Variants in RALB observed in about 807,000 individuals in gnomAD.
The protein encoded by RALB is ras-related protein Ral-B.
Under a neutral mutation model 21.3 loss-of-function variants are expected in RALB, and 16 were observed. The ratio of observed to expected loss-of-function variants is 0.75; its 90% confidence interval spans 0.51 to 1.14. The LOEUF (loss-of-function observed/expected upper bound fraction) is 1.14. Ranked by LOEUF, RALB falls within the 50% of genes most tolerant of loss-of-function variation. The pLI is 0.00. For missense variants in RALB, 161 were observed against 256.2 expected, an observed-to-expected ratio of 0.63 and a Z score of 2.54; for synonymous variants, 93 against 96.1, an observed-to-expected ratio of 0.97 and a Z score of 0.19.
chr2:120,282,656 G>A lies in RALB; in HGVS notation c.115-3218G>A, dbSNP rs1690020348. On this transcript the variant is annotated intron_variant, in intron 2 of 4. Transcript: ENST00000272519. ...TTTCTGTTCTCTTCACAGAGACCAG[G>A]GAAAGCTGTGCCTGGCCTTAGTCTG... 4.6e-5 allele frequency among the ~76,000 whole-genome samples: 7 copies of A among 152,082 alleles called. No homozygotes were observed. The South Asian group carries it at 1.4e-3, about 32-fold the overall frequency.
intron 1 of RALB, among the ~76,000 whole-genome samples, chr2:120,241,508 C>T (rs1413658966): frequency 6.6e-6 from 1 of 152,138 alleles, no homozygotes; most frequent in Non-Finnish European, 1.5e-5. Context: ...GGCGGATCAC[C>T]TGAGGTCAGG....
chr2:120,254,213 C>A (rs139365676), intron 1 of RALB, among the ~76,000 whole-genome samples: 26 of 152,222 alleles, frequency 1.7e-4, no homozygotes, highest in Non-Finnish European at 2.8e-4. Flanking sequence ...CCTCTGAGCT[C>A]CAGAGTCAGC....
chr2:120,253,384 T>C, intron 1 of RALB: 1 of 985,530 alleles, frequency 1.0e-6, no homozygotes, highest in Non-Finnish European at 1.2e-6. Flanking sequence ...AAAACTTAAC[T>C]GCCCTCGGAA....
chr2:120,268,980 T>G (rs117870238), intron 1 of RALB, among the ~76,000 whole-genome samples: 1 of 152,212 alleles, frequency 6.6e-6, no homozygotes, highest in Non-Finnish European at 1.5e-5. Flanking sequence ...TTTCTGCACG[T>G]TTCTGATAGA....
intron 2 of RALB, among the ~76,000 whole-genome samples, chr2:120,283,898 A>T (rs537729808): frequency 6.6e-6 from 1 of 152,278 alleles, no homozygotes; most frequent in South Asian, 2.1e-4. Flanking sequence ...GTTGTAATGG[A>T]ATGTTGGGGT....
chr2:120,249,982 TC>T (rs1425124009), upstream of RALB, among the ~76,000 whole-genome samples: 2 of 152,204 alleles, frequency 1.3e-5, no homozygotes, highest in Admixed American at 6.5e-5. Flanking sequence ...CTCCTGTCCT[TC>T]CTCCTACCCC....
intron 1 of RALB, among the ~76,000 whole-genome samples, chr2:120,261,687 A>C (rs1039493152): frequency 5.9e-5 from 9 of 152,222 alleles, no homozygotes; most frequent in South Asian, 2.1e-4. Context: ...AGGGGAAGGG[A>C]GCAGGGAGAT....
At chr2:120,284,829 G>T (rs1434449572) in intron 2 of RALB, among the ~76,000 whole-genome samples, 1 of 152,086 alleles carries the variant, frequency 6.6e-6, no homozygotes, top group East Asian at 1.9e-4. Context: ...ACTGCTTTCT[G>T]CTTCTATGGA....
chr2:120,288,702 G>A (rs1047005879), intron 3 of RALB, among the ~76,000 whole-genome samples: 7 of 152,172 alleles, frequency 4.6e-5, no homozygotes, highest in African/African-American at 4.8e-5. Context: ...TTTAGTAGAC[G>A]TAAAATTTAA....
At chr2:120,252,465 G>A (rs1001892229), upstream of RALB, among the ~76,000 whole-genome samples, 3 of 152,252 alleles carry the variant, frequency 2.0e-5, no homozygotes, top group Admixed American at 6.5e-5. Context: ...GATCAGGTCT[G>A]TCCTTCGCTT....
intron 3 of RALB, 53 bp downstream of exon 3, chr2:120,286,135 C>T (rs967342013): frequency 5.5e-5 from 83 of 1,507,868 alleles, no homozygotes; most frequent in Non-Finnish European, 7.2e-5. Flanking sequence ...TGCCTTTTCT[C>T]ATATGTCTTA....
chr2:120,267,600 G>A (rs2104607947), intron 1 of RALB, among the ~76,000 whole-genome samples: 1 of 152,242 alleles, frequency 6.6e-6, no homozygotes, highest in South Asian at 2.1e-4. Flanking sequence ...TGAGGCAGGT[G>A]GAAGTAAGAC....
chr2:120,258,799 G>A lies in RALB; in HGVS notation c.-48+5819G>A, dbSNP rs555190358. On this transcript the variant is annotated intron_variant, in intron 1 of 4. Transcript: ENST00000272519. ...AGGTCCCTGGCTTTGGTAACGATACGGATACTAGCGTGTCCGGAATTGGTG... is the reference window on the plus strand; with the variant it reads ...AGGTCCCTGGCTTTGGTAACGATACAGATACTAGCGTGTCCGGAATTGGTG... Among the ~76,000 whole-genome samples, 23 of 152,348 alleles carry A rather than the reference G, an allele frequency of 1.5e-4. No individual in the cohort carries two copies. In the South Asian group the frequency reaches 3.7e-3, roughly 25 times the overall value.
intron 1 of RALB, among the ~76,000 whole-genome samples, chr2:120,268,303 G>A (rs1463075386): frequency 3.0e-5 from 4 of 132,414 alleles, no homozygotes; most frequent in South Asian, 2.5e-4. Flanking sequence ...CCCTATCCTC[G>A]GCCTCCTTCC....
chr2:120,280,177 G>A (rs1232633596), intron 2 of RALB, among the ~76,000 whole-genome samples: 1 of 152,142 alleles, frequency 6.6e-6, no homozygotes, highest in Non-Finnish European at 1.5e-5. Context: ...GTACAGTGAA[G>A]CTCAATAGAG....
At chr2:120,265,772 ATAGAAG>A (rs5833825) in intron 1 of RALB, among the ~76,000 whole-genome samples, 104,764 of 151,252 alleles carry the variant, frequency 0.69, 36,855 homozygotes, top group Middle Eastern at 0.8. Context: ...TAGAGATGCT[ATAGAAG>A]TAGAAGTAGA....
At chr2:120,266,959 C>G (rs942390477) in intron 1 of RALB, among the ~76,000 whole-genome samples, 2 of 152,010 alleles carry the variant, frequency 1.3e-5, no homozygotes, top group African/African-American at 4.8e-5. Context: ...GGCATGGGGG[C>G]CCCCTGAGAC....
At chr2:120,262,059 G>A (rs1484328087) in intron 1 of RALB, among the ~76,000 whole-genome samples, 1 of 152,196 alleles carries the variant, frequency 6.6e-6, no homozygotes, top group East Asian at 1.9e-4. Context: ...TCATTGGGGA[G>A]GACGACAGGA....
At chr2:120,240,476 A>G (rs970324569) in intron 1 of RALB, among the ~76,000 whole-genome samples, 7 of 150,574 alleles carry the variant, frequency 4.6e-5, no homozygotes, top group Admixed American at 6.6e-5. Context: ...TGTATTTTGT[A>G]TTTTGTAGAG....
Sources: gnomAD v4.1 joint callset for allele counts (sites outside exome capture counted in the v4.1 genomes callset) on GRCh38, gnomAD v4.1.1 for gene constraint, MANE v1.5 for transcripts, NCBI Gene and HGNC (gene_info 2026-07-23, HGNC 2026-07-21) for gene names.